Variants in EPC2 observed in about 807,000 individuals in gnomAD.
EPC2 encodes the protein enhancer of polycomb 2, also known as enhancer of polycomb homolog 2.
In EPC2, 14 loss-of-function variants were observed where a neutral mutation model predicts 92.1. That is an observed-to-expected ratio of 0.15 (90% CI 0.10 to 0.24). The LOEUF is 0.24. Ranked by LOEUF, EPC2 falls within the 10% of genes least tolerant of loss-of-function variation. EPC2 has a pLI of 1.00. For missense variants in EPC2, 755 were observed against 971.5 expected (o/e 0.78, Z 2.96); for synonymous variants, 340 against 334.7 (o/e 1.02, Z -0.17).
intron 10 of EPC2, among the ~76,000 whole-genome samples, chr2:148,779,221 G>A (rs888892567): frequency 6.6e-6 from 1 of 152,152 alleles, no homozygotes; most frequent in Non-Finnish European, 1.5e-5. Flanking sequence ...GTGGAACACA[G>A]CTAGTTGGCA....
At chr2:148,647,326 A>G (rs1183913185) in intron 1 of EPC2, among the ~76,000 whole-genome samples, 1 of 151,990 alleles carries the variant, frequency 6.6e-6, no homozygotes, top group Non-Finnish European at 1.5e-5. Flanking sequence ...TTGTTTTTTG[A>G]GATGGAGTTT....
chr2:148,711,197 A>G (rs553297825), intron 2 of EPC2, among the ~76,000 whole-genome samples: 8 of 151,816 alleles, frequency 5.3e-5, no homozygotes, highest in Non-Finnish European at 8.8e-5. Context: ...TTCTTTCCTA[A>G]TATATGCAGT....
chr2:148,740,268 A>G (rs1385150365), intron 2 of EPC2, among the ~76,000 whole-genome samples: 5 of 150,984 alleles, frequency 3.3e-5, no homozygotes, highest in African/African-American at 4.9e-5. Flanking sequence ...GGGAGTATAC[A>G]GGTATGACTG....
intron 1 of EPC2, among the ~76,000 whole-genome samples, chr2:148,664,602 A>G (rs1224416219): frequency 6.6e-6 from 1 of 152,214 alleles, no homozygotes; most frequent in Non-Finnish European, 1.5e-5. Context: ...ACCTGTTTTC[A>G]TAGTCAAGAT....
At chr2:148,709,542 A>G (rs558069143) in intron 2 of EPC2, among the ~76,000 whole-genome samples, 2 of 152,374 alleles carry the variant, frequency 1.3e-5, no homozygotes, top group East Asian at 3.9e-4. Context: ...TGCCAAGACA[A>G]TCCTAAGCCA....
intron 1 of EPC2, among the ~76,000 whole-genome samples, chr2:148,663,872 A>G (rs1178642689): frequency 2.0e-5 from 3 of 152,294 alleles, no homozygotes; most frequent in Non-Finnish European, 1.5e-5. Context: ...TCACACTCCT[A>G]TGACAATCTA....
At chr2:148,751,601 GAGTAGCTAGGACTAC>G (rs1386509079) in intron 3 of EPC2, among the ~76,000 whole-genome samples, 1 of 152,002 alleles carries the variant, frequency 6.6e-6, no homozygotes, top group Non-Finnish European at 1.5e-5. Context: ...TGACTCTCCC[GAGTAGCTAGGACTAC>G]AGTTGCATGC....
In EPC2 at chr2:148,751,940, T is replaced by C. The variant is rs533077926; in HGVS notation, c.460-1987T>C. 1.4e-3 allele frequency among the ~76,000 whole-genome samples: 212 copies of C among 152,294 alleles called. 1 individual carries two copies. Among genetic ancestry groups the C allele is most frequent in the Middle Eastern group, 3.4e-3 (1 of 294 alleles). On this transcript the variant is annotated intron_variant, in intron 3 of 13. Coordinates refer to ENST00000258484, the MANE Select transcript of EPC2 (RefSeq NM_015630.4). ...ACACTGGAAAGAAATATCAGAATGTTTAACTGTAAAGTGTGTGTTGAATTC... is the reference window on the plus strand; with the variant it reads ...ACACTGGAAAGAAATATCAGAATGTCTAACTGTAAAGTGTGTGTTGAATTC...
At chr2:148,704,083 G>A (rs1198541781) in intron 2 of EPC2, among the ~76,000 whole-genome samples, 1 of 152,174 alleles carries the variant, frequency 6.6e-6, no homozygotes, top group Non-Finnish European at 1.5e-5. Context: ...GTCTCAAAGA[G>A]ATATTTGTGT....
intron 1 of EPC2, among the ~76,000 whole-genome samples, chr2:148,666,451 C>T (rs1443790717): frequency 6.6e-6 from 1 of 152,020 alleles, no homozygotes; most frequent in African/African-American, 2.4e-5. Flanking sequence ...GCCAGAGGAC[C>T]AATTTAAAAA....
chr2:148,708,171 T>C (rs1329566859), intron 2 of EPC2, among the ~76,000 whole-genome samples: 1 of 152,068 alleles, frequency 6.6e-6, no homozygotes, highest in African/African-American at 2.4e-5. Context: ...TATCACCACC[T>C]GCCCTACGGA....
chr2:148,754,668 G>A (rs1683148107), intron 4 of EPC2, among the ~76,000 whole-genome samples: 1 of 152,168 alleles, frequency 6.6e-6, no homozygotes, highest in Non-Finnish European at 1.5e-5. Flanking sequence ...GTAGGGAAGG[G>A]TTCATTTTCA....
At position 148,771,203 on chromosome 2, in the gene EPC2, T is replaced by A; in HGVS notation, c.1536T>A (p.Ser512=). ...GTAAACATTGTGAAAATAGACTGTCTCTTTCTGAAATATTAAGCAATATCA... is the reference window on the plus strand; with the variant it reads ...GTAAACATTGTGAAAATAGACTGTCACTTTCTGAAATATTAAGCAATATCA... ...ASSKHCENRL[S]LSEILSNIRS... Residue 512 remains serine, a synonymous_variant, in exon 10 of 14, where the codon TCT becomes TCA. Transcript: ENST00000258484. 6.2e-7 allele frequency: 1 copy of A among 1,613,998 alleles called. No individual in the cohort carries two copies. The highest frequency in any genetic ancestry group is 8.5e-7 in the Non-Finnish European group (1 of 1,179,880).
intron 1 of EPC2, among the ~76,000 whole-genome samples, chr2:148,680,195 A>G (rs1681366341): frequency 6.6e-6 from 1 of 150,434 alleles, no homozygotes; most frequent in Non-Finnish European, 1.5e-5. Context: ...ATCCCTATTG[A>G]TCCTAAAAGT....
At chr2:148,663,124 T>C (rs139694557) in intron 1 of EPC2, among the ~76,000 whole-genome samples, 39 of 151,108 alleles carry the variant, frequency 2.6e-4, no homozygotes, top group Non-Finnish European at 5.2e-4. Flanking sequence ...TGGGAAAGAA[T>C]GGGAGAGAAT....
intron 11 of EPC2, among the ~76,000 whole-genome samples, 155 bp from the exon 12 acceptor site, chr2:148,783,442 C>G (rs529468938): frequency 2.6e-5 from 4 of 152,250 alleles, no homozygotes; most frequent in Non-Finnish European, 5.9e-5. Flanking sequence ...CTTCATATGC[C>G]AAAAATCATC....
In EPC2 at chr2:148,770,805, A is replaced by G; in HGVS notation, c.1244A>G (p.Gln415Arg). The stretch of plus-strand genomic sequence containing the variant: ...CTTTCTTTGCAGCCTCGTTTGGACC[A>G]AGCTAACCATTCATGTGAAAATTCA... Reference protein sequence around the residue: ...GCQYYAPRLDQANHSCENSEL... With the variant: ...GCQYYAPRLDRANHSCENSEL... Residue 415 changes from glutamine (Q) to arginine (R), a missense_variant, in exon 9 of 14, where the codon CAA becomes CGA. By Grantham distance (43) the Gln-to-Arg change is conservative (BLOSUM62 1). This residue lies in a region of EPC2 where 509 missense variants were observed against 607.7 expected (regional missense o/e 0.84). Coordinates refer to ENST00000258484, the MANE Select transcript of EPC2 (RefSeq NM_015630.4). The G allele has an allele frequency of 6.2e-7, 1 of 1,611,764 alleles. No homozygotes were observed. The highest frequency in any genetic ancestry group is 8.5e-7 in the Non-Finnish European group (1 of 1,179,404).
At chr2:148,664,547 C>T (rs188969950) in intron 1 of EPC2, among the ~76,000 whole-genome samples, 1 of 152,300 alleles carries the variant, frequency 6.6e-6, no homozygotes, top group East Asian at 1.9e-4. Flanking sequence ...ATACAGACTG[C>T]ACGTATTTCA....
At chr2:148,732,006 A>T (rs969213790) in intron 2 of EPC2, among the ~76,000 whole-genome samples, 2 of 152,216 alleles carry the variant, frequency 1.3e-5, no homozygotes, top group African/African-American at 2.4e-5. Flanking sequence ...TATCTCATTT[A>T]TTTACAAAAA....
Sources: gnomAD v4.1 joint callset for allele counts (sites outside exome capture counted in the v4.1 genomes callset) on GRCh38, gnomAD v4.1.1 for gene constraint, gnomAD v4.1.1 regional missense constraint, MANE v1.5 for transcripts, NCBI Gene and HGNC (gene_info 2026-07-23, HGNC 2026-07-21) for gene names.